Variants in RAMP1 observed in about 807,000 individuals in gnomAD.
RAMP1 encodes receptor activity-modifying protein 1.
Under a neutral mutation model 8.2 loss-of-function variants are expected in RAMP1, and 7 were observed. The ratio of observed to expected loss-of-function variants is 0.85; its 90% CI spans 0.49 to 1.60. RAMP1 has a LOEUF of 1.60. RAMP1 is among the 40% of genes most tolerant of loss of function. RAMP1 has a pLI of 0.00. For missense variants in RAMP1, 192 were observed against 202.4 expected, an observed-to-expected ratio of 0.95 and a Z score of 0.31; for synonymous variants, 92 against 84.7, an observed-to-expected ratio of 1.09 and a Z score of -0.47.
intron 2 of RAMP1, among the ~76,000 whole-genome samples, chr2:237,910,684 CACAG>C (rs935017657): frequency 1.3e-5 from 2 of 150,996 alleles, no homozygotes; most frequent in Admixed American, 1.3e-4. Context: ...AACAGCCACT[CACAG>C]ATAACAGTTA....
chr2:237,893,419 G>C (rs1240299052), intron 2 of RAMP1, among the ~76,000 whole-genome samples: 2 of 152,240 alleles, frequency 1.3e-5, no homozygotes, highest in East Asian at 3.9e-4. Context: ...CTTTCTCCAG[G>C]ACCGGACACT....
intron 1 of RAMP1, chr2:237,874,833 C>G (rs1435903289): frequency 2.1e-6 from 1 of 486,680 alleles, no homozygotes. Flanking sequence ...AAGAAAGAGA[C>G]CCTCCACCAG....
rs1559179770 is a variant in RAMP1 at position 237,912,019 on chromosome 2, AC to A, written c.*238del. On this transcript the variant is annotated 3_prime_UTR_variant, in exon 3 of 3. Coordinates refer to ENST00000254661, the MANE Select transcript of RAMP1 (RefSeq NM_005855.4). ...GGGGGCAGGGACGTGACCTTGACTT[AC>A]CTCTGGAAAGGGTCCCAGCCTAGAC... 2.8e-5 allele frequency: 18 copies of A among 637,018 alleles called. No individual in the cohort carries two copies. The highest frequency in any genetic ancestry group is 4.8e-5 in the Non-Finnish European group (18 of 378,488). 39.5% of individuals were successfully genotyped at this position (637,018 alleles called of 1,614,324 possible). A position where few individuals can be genotyped will look rare whatever the true frequency, so the allele number is the denominator to read the frequency against.
At chr2:237,876,991 A>C (rs1295864016) in intron 1 of RAMP1, among the ~76,000 whole-genome samples, 1 of 152,142 alleles carries the variant, frequency 6.6e-6, no homozygotes, top group Non-Finnish European at 1.5e-5. Context: ...GCCCTGGCCC[A>C]AGCTGGCACG....
intron 2 of RAMP1, 34 bp from the exon 3 acceptor site, chr2:237,911,494 C>T (rs748413156): frequency 6.2e-7 from 1 of 1,609,256 alleles, no homozygotes. Flanking sequence ...CCCCCGCCTG[C>T]CCAGGGTCTT....
At chr2:237,874,338 G>A (rs6726176) in intron 1 of RAMP1, among the ~76,000 whole-genome samples, 19 of 152,200 alleles carry the variant, frequency 1.2e-4, no homozygotes, top group African/African-American at 4.1e-4. Flanking sequence ...ACCTGCATTC[G>A]CTTCACTTGT....
chr2:237,864,425 C>T (rs1306644523), intron 1 of RAMP1, among the ~76,000 whole-genome samples: 1 of 152,190 alleles, frequency 6.6e-6, no homozygotes, highest in Admixed American at 6.5e-5. Flanking sequence ...TGACTGACAC[C>T]CGGGGTGGCT....
chr2:237,891,179 T>A (rs1318650385), intron 2 of RAMP1, among the ~76,000 whole-genome samples: 2 of 102,800 alleles, frequency 1.9e-5, no homozygotes, highest in Admixed American at 9.4e-5. Context: ...AGACGGAGTC[T>A]CACTCTGTCA....
intron 1 of RAMP1, among the ~76,000 whole-genome samples, chr2:237,876,396 C>T (rs890661366): frequency 6.6e-6 from 1 of 152,144 alleles, no homozygotes. Context: ...GTGCCAAGCT[C>T]CTTCCAGGAA....
chr2:237,890,496 C>T (rs1388532348), intron 2 of RAMP1, among the ~76,000 whole-genome samples: 4 of 152,168 alleles, frequency 2.6e-5, no homozygotes, highest in Non-Finnish European at 4.4e-5. Flanking sequence ...GCCACTGCAC[C>T]GAGCCAGAAA....
intron 2 of RAMP1, among the ~76,000 whole-genome samples, chr2:237,885,666 C>T (rs1007823996): frequency 2.0e-5 from 3 of 152,272 alleles, no homozygotes; most frequent in African/African-American, 7.2e-5. Flanking sequence ...AGGCCGAGGC[C>T]GCCCTCCCTG....
chr2:237,861,271 A>G (rs1472387733), intron 1 of RAMP1, among the ~76,000 whole-genome samples: 1 of 152,144 alleles, frequency 6.6e-6, no homozygotes, highest in Non-Finnish European at 1.5e-5. Context: ...TTTTAACGTT[A>G]TTTTGAGTGG....
intron 2 of RAMP1, among the ~76,000 whole-genome samples, chr2:237,881,851 G>GT (rs146505309): frequency 1.4e-3 from 208 of 146,914 alleles, no homozygotes; most frequent in African/African-American, 4.5e-3. Flanking sequence ...TTTCAACTTT[G>GT]TTTTTTTTTT....
chr2:237,868,913 G>A (rs1195748973), intron 1 of RAMP1, among the ~76,000 whole-genome samples: 4 of 152,130 alleles, frequency 2.6e-5, no homozygotes, highest in African/African-American at 9.7e-5. Flanking sequence ...GGGGCAGAGC[G>A]GGAACCACAA....
chr2:237,868,529 G>C (rs2062211834), intron 1 of RAMP1, among the ~76,000 whole-genome samples: 1 of 150,598 alleles, frequency 6.6e-6, no homozygotes, highest in Non-Finnish European at 1.5e-5. Context: ...AGAATGGACA[G>C]TGGTTAATCT....
chr2:237,879,434 T>C (rs1216889230), intron 2 of RAMP1, among the ~76,000 whole-genome samples: 1 of 151,604 alleles, frequency 6.6e-6, no homozygotes, highest in African/African-American at 2.4e-5. Context: ...CGGAGCCGAG[T>C]GGCCATAGCT....
rs374221529 is a variant in RAMP1, at chr2:237,897,794, TTTTG to T, written c.192-13718_192-13715del. On this transcript the variant is annotated intron_variant, in intron 2 of 2. Coordinates refer to ENST00000254661, the MANE Select transcript of RAMP1 (RefSeq NM_005855.4). ...TGGTTTTTTGGGGGGGGGTTTTGTT[TTTTG>T]TTTGTTTGTTTGTTTTTTGAGATGG... 5.9e-3 allele frequency among the ~76,000 whole-genome samples: 885 copies of T among 150,902 alleles called. 8 individuals are homozygous for T. Among genetic ancestry groups the T allele is most frequent in the African/African-American group, 0.02 (808 of 41,312 alleles).
At chr2:237,909,727 G>A (rs1211197326) in intron 2 of RAMP1, among the ~76,000 whole-genome samples, 1 of 152,120 alleles carries the variant, frequency 6.6e-6, no homozygotes, top group African/African-American at 2.4e-5. Flanking sequence ...GGTCCACTTG[G>A]GTTTTGTCCA....
At chr2:237,859,771 C>T in intron 1 of RAMP1, 44 bp downstream of exon 1, 1 of 1,481,418 alleles carries the variant, frequency 6.8e-7, no homozygotes, top group Admixed American at 2.3e-5. Context: ...TTCCCCTGGC[C>T]AGCCGGTGTC....
Sources: allele counts gnomAD v4.1 joint callset (sites outside exome capture counted in the v4.1 genomes callset), GRCh38; gene constraint gnomAD v4.1.1; transcripts MANE v1.5; gene names NCBI Gene and HGNC (gene_info 2026-07-23, HGNC 2026-07-21).